RBM41: variants seen among roughly 807,000 people sequenced by gnomAD.
RBM41 encodes RNA binding motif protein 41.
RBM41 carries 14 observed loss-of-function variants against 30.8 expected under a neutral mutation model. That is an observed-to-expected ratio of 0.45 (90% CI 0.30 to 0.71). RBM41 has a LOEUF of 0.71. Ranked by LOEUF, RBM41 falls within the 30% of genes least tolerant of loss-of-function variation. The probability of loss-of-function intolerance (pLI) is 0.08; values close to 1 mark genes in which losing one functional copy is unlikely to be tolerated. For synonymous variants in RBM41, 120 were observed against 110.1 expected (o/e 1.09, Z -0.56); for missense variants, 276 against 326.3 (o/e 0.85, Z 1.19).
In RBM41 at chrX:107,088,535, T is replaced by C. The variant is rs1922238702; in HGVS notation, c.900A>G (p.Glu300=). ...TCTGGATTTCATCTTCTGGGACAAATTCTATTGGCTGCGTCAGCTTCTTAG... is the reference window on the plus strand; with the variant it reads ...TCTGGATTTCATCTTCTGGGACAAACTCTATTGGCTGCGTCAGCTTCTTAG... ...TGPKKLTQPI[E]FVPEDEIQRN... Residue 300 remains glutamate (E), a synonymous_variant, in exon 6 of 8, where the codon GAA becomes GAG. Coordinates refer to ENST00000685964, the MANE Select transcript of RBM41 (RefSeq NM_001324242.2). 1 of 1,209,458 alleles carries C rather than the reference T, an allele frequency of 8.3e-7. No individual in the cohort carries two copies. Among genetic ancestry groups the C allele is most frequent in the Admixed American group, 2.2e-5 (1 of 45,680 alleles).
chrX:107,080,473 G>A (rs1921410934), intron 6 of RBM41, among the ~76,000 whole-genome samples: 2 of 111,413 alleles, frequency 1.8e-5, no homozygotes, highest in African/African-American at 6.5e-5. Flanking sequence ...AGCTACTTGG[G>A]AAGTTGAAGT....
chrX:107,102,261 G>T (rs899466599), intron 5 of RBM41, among the ~76,000 whole-genome samples: 6 of 111,285 alleles, frequency 5.4e-5, no homozygotes, highest in Non-Finnish European at 1.1e-4. Context: ...GAGATGAATG[G>T]GCAAAGTGTG....
intron 5 of RBM41, among the ~76,000 whole-genome samples, chrX:107,099,503 T>C (rs1026140161): frequency 8.9e-6 from 1 of 112,029 alleles, no homozygotes. Context: ...AGATAGTAAA[T>C]AGGCATTTTC....
chrX:107,112,329 A>G (rs1047973832), intron 5 of RBM41, among the ~76,000 whole-genome samples: 1 of 111,716 alleles, frequency 9.0e-6, no homozygotes, highest in Non-Finnish European at 1.9e-5. Flanking sequence ...TAAAACTACA[A>G]TGAGGTACCA....
Position 107,115,468 on chromosome X carries a change from C to T in RBM41, c.407G>A (p.Cys136Tyr), listed in dbSNP as rs199733364. The T allele has an allele frequency of 1.7e-6, 2 of 1,209,820 alleles. No individual in the cohort carries two copies. The highest frequency in any genetic ancestry group is 3.5e-5 in the African/African-American group (2 of 57,242). ...ERISERQRILCLPQRFAKSKQ... is the reference protein window; with the variant it reads ...ERISERQRILYLPQRFAKSKQ... ...GCTCTTTGCAAATCTCTGTGGCAGGCAAAGAATGCGCTGACGCTCCGAGAT... is the reference window on the plus strand; with the variant it reads ...GCTCTTTGCAAATCTCTGTGGCAGGTAAAGAATGCGCTGACGCTCCGAGAT... The change falls in exon 4 of 8, where the codon TGC (cysteine) becomes TAC (tyrosine). Residue 136 changes from cysteine to tyrosine, a missense_variant. By Grantham distance (194) the Cys-to-Tyr change is radical (BLOSUM62 -2). Coordinates refer to ENST00000685964, the MANE Select transcript of RBM41 (RefSeq NM_001324242.2).
intron 6 of RBM41, among the ~76,000 whole-genome samples, chrX:107,081,118 A>T (rs1399096924): frequency 1.8e-5 from 2 of 111,694 alleles, no homozygotes; most frequent in Non-Finnish European, 3.8e-5. Context: ...TTAGATTTTA[A>T]TCTTTTTCTT....
chrX:107,067,079 C>A lies in RBM41; in HGVS notation c.*448G>T, dbSNP rs1935869044. The A allele has an allele frequency of 1.3e-6, 1 of 752,855 alleles. No homozygotes were observed. The highest frequency in any genetic ancestry group is 1.5e-4 in the East Asian group (1 of 6,635). The allele number at this position is 752,855 out of a possible 1,213,427, so 62.0% of individuals were successfully genotyped here. ...TTTGTTGATGCTTAGGCCTGGGGGT[C>A]CTACTCTTTTATTTACTAGGTGGAT... On this transcript the variant is annotated 3_prime_UTR_variant, in exon 8 of 8. Coordinates refer to ENST00000685964, the MANE Select transcript of RBM41 (RefSeq NM_001324242.2).
downstream of RBM41, among the ~76,000 whole-genome samples, chrX:107,057,121 G>C (rs1353804922): frequency 9.1e-6 from 1 of 110,189 alleles, no homozygotes; most frequent in South Asian, 3.9e-4. Context: ...CTCCCACCTT[G>C]GCCTCTCAGA....
rs1054340306 is a variant in RBM41, at chrX:107,064,768, T to C, written c.*2759A>G. On this transcript the variant is annotated 3_prime_UTR_variant, in exon 8 of 8. Transcript: ENST00000685964. ...TATTCTGATGTTGGGTGGAAAGTTC[T>C]ATAGATGTCTTTTAGGTCAATTTGC... The C allele has an allele frequency of 8.9e-6, 1 of 112,126 alleles. No homozygotes were observed. Among genetic ancestry groups the C allele is most frequent in the South Asian group, 3.7e-4 (1 of 2,696 alleles). The allele number at this position is 112,126 out of a possible 1,213,427, so 9.2% of individuals were successfully genotyped here.
At chrX:107,108,410 G>A (rs972086049) in intron 5 of RBM41, among the ~76,000 whole-genome samples, 6 of 111,344 alleles carry the variant, frequency 5.4e-5, no homozygotes, top group Non-Finnish European at 9.5e-5. Flanking sequence ...AGAATGTATG[G>A]TACATTTAAA....
At chrX:107,056,353 T>C in the RBM41 span, among the ~76,000 whole-genome samples, 1 of 112,162 alleles carries the variant, frequency 8.9e-6, no homozygotes, top group African/African-American at 3.2e-5. Context: ...GTAGTTTTCA[T>C]TTCTTGTGTA....
rs1935728140 is a variant in RBM41 at position 107,063,663 on chromosome X, T to G, written c.*3864A>C. Among the ~76,000 whole-genome samples the G allele has an allele frequency of 8.9e-6, 1 of 111,843 alleles. No individual in the cohort carries two copies. The highest frequency in any genetic ancestry group is 3.2e-5 in the African/African-American group (1 of 30,821). ...TCATAATATGCCTTCATAATCTTTT[T>G]TATTTCTACAAGTTCAGTTGAAATG... On this transcript the variant is annotated 3_prime_UTR_variant, in exon 8 of 8. Transcript: ENST00000685964.
chrX:107,116,640 C>T lies in RBM41; in HGVS notation c.125+10G>A. The T allele has an allele frequency of 8.3e-7, 1 of 1,208,784 alleles. No individual in the cohort carries two copies. Among genetic ancestry groups the T allele is most frequent in the South Asian group, 1.8e-5 (1 of 56,495 alleles). ...CTATGATACTCTCCGTTTGCAAAAT[C>T]AATACCTACTCCTCAATGGAGACAG... On this transcript the variant is annotated intron_variant, in intron 2 of 7. Coordinates refer to ENST00000685964, the MANE Select transcript of RBM41 (RefSeq NM_001324242.2).
At chrX:107,093,738 G>A (rs946358212) in intron 5 of RBM41, among the ~76,000 whole-genome samples, 3 of 111,341 alleles carry the variant, frequency 2.7e-5, no homozygotes, top group Admixed American at 1.9e-4. Context: ...AAACAATAAA[G>A]ATTAAGAAAT....
the RBM41 span, among the ~76,000 whole-genome samples, chrX:107,055,384 G>A: frequency 9.0e-6 from 1 of 111,723 alleles, no homozygotes; most frequent in African/African-American, 3.3e-5. Flanking sequence ...GGGTGCAGTG[G>A]CACGATCTTG....
chrX:107,104,384 G>C (rs1401075099), intron 5 of RBM41, among the ~76,000 whole-genome samples: 1 of 111,166 alleles, frequency 9.0e-6, no homozygotes, highest in Non-Finnish European at 1.9e-5. Flanking sequence ...ATTAATGGTA[G>C]ATTCCAGATG....
intron 1 of RBM41, among the ~76,000 whole-genome samples, chrX:107,118,398 G>A (rs1006716365): frequency 9.0e-6 from 1 of 111,636 alleles, no homozygotes; most frequent in Non-Finnish European, 1.9e-5. Flanking sequence ...GGAGGTAGGG[G>A]AGAACGGCGA....
At chrX:107,069,645 GGGTTTCACCAT>G (rs1453467336) in intron 6 of RBM41, 6 of 233,816 alleles carry the variant, frequency 2.6e-5, no homozygotes, top group Non-Finnish European at 4.4e-5. Context: ...AGTAGACGTG[GGGTTTCACCAT>G]GTTGTCCAGG....
At chrX:107,118,607 C>T (rs1682058) in intron 1 of RBM41, among the ~76,000 whole-genome samples, 159 bp downstream of exon 1, 9 of 111,946 alleles carry the variant, frequency 8.0e-5, no homozygotes, top group African/African-American at 2.9e-4. Flanking sequence ...CTGTTCAGCC[C>T]GTCTCCCCTC....
Sources: allele counts gnomAD v4.1 joint callset (sites outside exome capture counted in the v4.1 genomes callset), GRCh38; gene constraint gnomAD v4.1.1; transcripts MANE v1.5; gene names NCBI Gene and HGNC (gene_info 2026-07-23, HGNC 2026-07-21).